Variants in TNPO1 observed in about 807,000 individuals in gnomAD.
The protein encoded by TNPO1 is transportin-1.
In TNPO1, 8 loss-of-function variants were observed where a neutral mutation model predicts 119.5. The ratio of observed to expected loss-of-function variants is 0.07; its 90% CI spans 0.04 to 0.12. The LOEUF (loss-of-function observed/expected upper bound fraction) is 0.12. TNPO1 is among the 10% of genes least tolerant of loss of function. TNPO1 has a pLI of 1.00. For missense variants in TNPO1, 576 were observed against 1,089.8 expected (o/e 0.53, Z 6.64); for synonymous variants, 362 against 363.0 (o/e 1.00, Z 0.03).
intron 4 of TNPO1, 127 bp downstream of exon 4, chr5:72,856,050 C>T (rs1483689241): frequency 2.1e-6 from 2 of 939,182 alleles, no homozygotes; most frequent in Admixed American, 2.4e-5. Context: ...CTTTCATTGC[C>T]TTTAAATGCT....
chr5:72,839,193 A>C (rs760801272), intron 1 of TNPO1, among the ~76,000 whole-genome samples: 1 of 152,184 alleles, frequency 6.6e-6, no homozygotes, highest in Non-Finnish European at 1.5e-5. Flanking sequence ...AAAGCACATT[A>C]ATAAATCCTA....
intron 6 of TNPO1, among the ~76,000 whole-genome samples, chr5:72,870,551 G>GTC (rs1213996052): frequency 3.3e-5 from 5 of 152,082 alleles, no homozygotes; most frequent in Non-Finnish European, 7.3e-5. Flanking sequence ...CACTTACTTG[G>GTC]TCTTATGATA....
At chr5:72,825,550 G>A (rs1191002327) in intron 1 of TNPO1, among the ~76,000 whole-genome samples, 1 of 152,180 alleles carries the variant, frequency 6.6e-6, no homozygotes, top group African/African-American at 2.4e-5. Context: ...AGCCGGGCGT[G>A]GTGGCACGTG....
At chr5:72,856,199 CA>C (rs1300641658) in intron 4 of TNPO1, among the ~76,000 whole-genome samples, 1 of 152,086 alleles carries the variant, frequency 6.6e-6, no homozygotes, top group African/African-American at 2.4e-5. Flanking sequence ...AATTTGCGGA[CA>C]CTACTTTTTC....
chr5:72,868,877 G>A lies in TNPO1; in HGVS notation c.596+3148G>A, dbSNP rs143879620. ...CAAAAAATTAGCTGGACGTGGTGGCGGGTGCTTGTAATCCTAGCTACTCGG... is the reference window on the plus strand; with the variant it reads ...CAAAAAATTAGCTGGACGTGGTGGCAGGTGCTTGTAATCCTAGCTACTCGG... On this transcript the variant is annotated intron_variant, in intron 6 of 24. Coordinates refer to ENST00000337273, the MANE Select transcript of TNPO1 (RefSeq NM_002270.4). 8.3e-3 allele frequency among the ~76,000 whole-genome samples: 1,261 copies of A among 152,108 alleles called. 14 individuals are homozygous for A. Among genetic ancestry groups the A allele is most frequent in the African/African-American group, 0.029 (1,194 of 41,482 alleles).
At position 72,870,158 on chromosome 5, in the gene TNPO1, C is replaced by CTTTT. The variant is rs200118076; in HGVS notation, c.597-2465_597-2462dup. Among the ~76,000 whole-genome samples, 933 of 106,138 alleles carry CTTTT rather than the reference C, an allele frequency of 8.8e-3. 42 individuals are homozygous for CTTTT. Among genetic ancestry groups the CTTTT allele is most frequent in the African/African-American group, 0.017 (471 of 28,012 alleles). The allele number at this position is 106,138 out of a possible 152,430, so 69.6% of individuals were successfully genotyped here. A position where few individuals can be genotyped will look rare whatever the true frequency, so the allele number is the denominator to read the frequency against. On this transcript the variant is annotated intron_variant, in intron 6 of 24. Transcript: ENST00000337273. ...ATAGTCATTTTCACAATACTAATTG[C>CTTTT]TTTTTTTTTTTTTTTTTTTGAGACG...
chr5:72,847,570 A>C (rs1285452431), intron 1 of TNPO1, among the ~76,000 whole-genome samples: 1 of 152,262 alleles, frequency 6.6e-6, no homozygotes, highest in Non-Finnish European at 1.5e-5. Context: ...TAATGGAATT[A>C]AACACTACCC....
chr5:72,866,458 A>C (rs934318016), intron 6 of TNPO1, among the ~76,000 whole-genome samples: 32 of 152,212 alleles, frequency 2.1e-4, no homozygotes, highest in African/African-American at 7.7e-4. Context: ...ACTGATTCTC[A>C]GTAATAAAAA....
chr5:72,847,042 T>C (rs1271320976), intron 1 of TNPO1, among the ~76,000 whole-genome samples: 1 of 152,182 alleles, frequency 6.6e-6, no homozygotes, highest in Non-Finnish European at 1.5e-5. Context: ...GATTTTGTTT[T>C]GAGTTTTTTT....
At chr5:72,900,136 CTA>C in intron 21 of TNPO1, 55 bp downstream of exon 21, 1 of 1,441,246 alleles carries the variant, frequency 6.9e-7, no homozygotes, top group Non-Finnish European at 9.7e-7. Flanking sequence ...CTTTCTTTCT[CTA>C]TCTCACTTTT....
At position 72,906,674 on chromosome 5, in the gene TNPO1, G is replaced by C. The variant is rs1750193979; in HGVS notation, c.*35+1229G>C. Among the ~76,000 whole-genome samples, 6 of 152,234 alleles carry C rather than the reference G, an allele frequency of 3.9e-5. No individual in the cohort carries two copies. In the South Asian group the frequency reaches 1.2e-3, roughly 32 times the overall value. On this transcript the variant is annotated intron_variant, in intron 24 of 24. Transcript: ENST00000337273. ...ATATTCATTTGGACTCTTGCTCCTTGAGCTCTTCTGTACTTAAATGGGACT... is the reference window on the plus strand; with the variant it reads ...ATATTCATTTGGACTCTTGCTCCTTCAGCTCTTCTGTACTTAAATGGGACT...
intron 3 of TNPO1, among the ~76,000 whole-genome samples, chr5:72,855,148 A>G (rs995224171): frequency 6.6e-6 from 1 of 151,790 alleles, no homozygotes; most frequent in African/African-American, 2.4e-5. Flanking sequence ...GGCACACACC[A>G]CCATGCCTGG....
Position 72,884,394 on chromosome 5 carries a change from A to C in TNPO1, c.1150+1162A>C, listed in dbSNP as rs147130575. ...TTTAATACTGTAAGAACATTGCCAC[A>C]AGCTTTTTTGGTTTTTCTAACATGA... On this transcript the variant is annotated intron_variant, in intron 11 of 24. Transcript: ENST00000337273. 1.4e-3 allele frequency among the ~76,000 whole-genome samples: 210 copies of C among 152,262 alleles called. 1 individual carries two copies. Among genetic ancestry groups the C allele is most frequent in the African/African-American group, 4.8e-3 (199 of 41,546 alleles).
At chr5:72,897,214 GT>G in intron 20 of TNPO1, 63 bp downstream of exon 20, 1 of 1,177,702 alleles carries the variant, frequency 8.5e-7, no homozygotes, top group Non-Finnish European at 1.2e-6. Flanking sequence ...TTTAATATGC[GT>G]AGAGAAACCA....
chr5:72,838,363 CAGTGTGCTAATTTTTTTTTA>C (rs1402117220), intron 1 of TNPO1, among the ~76,000 whole-genome samples: 2 of 152,260 alleles, frequency 1.3e-5, no homozygotes, highest in Middle Eastern at 3.4e-3. Flanking sequence ...ATGGTTATCC[CAGTGTGCTAATTTTTTTTTA>C]ATTATCAGCT....
Position 72,853,712 on chromosome 5 carries a change from C to G in TNPO1, c.206-2062C>G, listed in dbSNP as rs547061363. Among the ~76,000 whole-genome samples, 3 of 148,584 alleles carry G rather than the reference C, an allele frequency of 2.0e-5. No individual in the cohort carries two copies. In the South Asian group the frequency reaches 6.3e-4, roughly 31 times the overall value. On this transcript the variant is annotated intron_variant, in intron 3 of 24. Transcript: ENST00000337273. ...ACACAAGTTTGCTGCATGTAGTTTTCCATTTTAAAAAAATCTTTGCATCAT... is the reference window on the plus strand; with the variant it reads ...ACACAAGTTTGCTGCATGTAGTTTTGCATTTTAAAAAAATCTTTGCATCAT...
At chr5:72,840,472 G>T (rs1247382061) in intron 1 of TNPO1, among the ~76,000 whole-genome samples, 1 of 152,114 alleles carries the variant, frequency 6.6e-6, no homozygotes, top group African/African-American at 2.4e-5. Context: ...TCAGACTTTG[G>T]AATCACACAG....
intron 4 of TNPO1, among the ~76,000 whole-genome samples, chr5:72,860,952 G>T (rs980837938): frequency 6.8e-6 from 1 of 146,414 alleles, no homozygotes; most frequent in African/African-American, 2.5e-5. Context: ...CGTTCTTGTT[G>T]CCCAGACTGG....
chr5:72,868,939 C>T (rs552282129), intron 6 of TNPO1, among the ~76,000 whole-genome samples: 49 of 151,906 alleles, frequency 3.2e-4, no homozygotes, highest in African/African-American at 1.1e-3. Flanking sequence ...ACCCGGGAGG[C>T]GGAGGTTGCA....
Sources: allele counts gnomAD v4.1 joint callset (sites outside exome capture counted in the v4.1 genomes callset), GRCh38; gene constraint gnomAD v4.1.1; transcripts MANE v1.5; gene names NCBI Gene and HGNC (gene_info 2026-07-23, HGNC 2026-07-21).